The following UMAD1 variants were observed in gnomAD, a reference collection of about 807,000 sequenced individuals.
UMAD1 encodes UBAP1-MVB12-associated (UMA) domain containing 1.
In UMAD1, 8 loss-of-function variants were observed where a neutral mutation model predicts 6.1. That is an observed-to-expected ratio of 1.30 (90% CI 0.76 to 2.35). UMAD1 has a LOEUF of 2.35. Ranked by LOEUF, UMAD1 falls within the 30% of genes most tolerant of loss-of-function variation. The probability of loss-of-function intolerance (pLI) is 0.00; values close to 1 mark genes in which losing one functional copy is unlikely to be tolerated. For synonymous variants in UMAD1, 56 were observed against 31.4 expected (o/e 1.78, Z -2.61); for missense variants, 130 against 78.4 (o/e 1.66, Z -2.49).
At chr7:7,847,691 C>T (rs1052793090) in intron 3 of UMAD1, among the ~76,000 whole-genome samples, 1 of 152,090 alleles carries the variant, frequency 6.6e-6, no homozygotes, top group Admixed American at 6.6e-5. Context: ...AGCATCATGA[C>T]TCTTCCCGAC....
intron 1 of UMAD1, among the ~76,000 whole-genome samples, chr7:7,642,814 A>G (rs1563076031): frequency 6.6e-6 from 1 of 152,308 alleles, no homozygotes; most frequent in East Asian, 1.9e-4. Context: ...TACAGCCATA[A>G]GTAAACACTA....
chr7:7,770,341 A>T (rs1225876404), intron 2 of UMAD1, among the ~76,000 whole-genome samples: 3 of 152,170 alleles, frequency 2.0e-5, no homozygotes, highest in Non-Finnish European at 4.4e-5. Flanking sequence ...ATGCTCTGGG[A>T]CCTTGCTCTG....
At chr7:7,756,365 G>A (rs1269259484) in intron 2 of UMAD1, among the ~76,000 whole-genome samples, 1 of 152,168 alleles carries the variant, frequency 6.6e-6, no homozygotes, top group Non-Finnish European at 1.5e-5. Context: ...TATTTATGAA[G>A]AAAGTGACAG....
intron 2 of UMAD1, among the ~76,000 whole-genome samples, chr7:7,684,825 A>G (rs970323302): frequency 1.3e-5 from 2 of 152,220 alleles, no homozygotes; most frequent in African/African-American, 4.8e-5. Flanking sequence ...TCAAGCAGCC[A>G]TGTTTTAATA....
intron 3 of UMAD1, among the ~76,000 whole-genome samples, chr7:7,847,098 AAAAAAAATATATATAT>A (rs1783807855): frequency 1.1e-4 from 5 of 46,918 alleles, no homozygotes; most frequent in South Asian, 6.5e-4. Context: ...AAAAAAAAAA[AAAAAAAATATATATAT>A]ATATATATAT....
intron 2 of UMAD1, among the ~76,000 whole-genome samples, chr7:7,771,947 T>C (rs1312922877): frequency 6.6e-6 from 1 of 152,128 alleles, no homozygotes; most frequent in Non-Finnish European, 1.5e-5. Flanking sequence ...AGTATAGTGC[T>C]CCATGCTTGT....
intron 1 of UMAD1, among the ~76,000 whole-genome samples, chr7:7,669,677 C>T (rs1779556755): frequency 1.3e-5 from 2 of 152,170 alleles, no homozygotes; most frequent in Admixed American, 1.3e-4. Flanking sequence ...CATGTTCCCA[C>T]AGAACAACAT....
At chr7:7,778,223 G>GTT (rs1220550699) in intron 2 of UMAD1, among the ~76,000 whole-genome samples, 5 of 123,574 alleles carry the variant, frequency 4.0e-5, no homozygotes, top group African/African-American at 6.1e-5. Flanking sequence ...TCCAAAACTG[G>GTT]TTTTGTGTGT....
chr7:7,694,525 C>G (rs927193978), intron 2 of UMAD1, among the ~76,000 whole-genome samples: 1 of 151,936 alleles, frequency 6.6e-6, no homozygotes, highest in African/African-American at 2.4e-5. Context: ...CCATTCCCCA[C>G]CCCACCCCCA....
rs144456157 is a variant in UMAD1 at position 7,869,750 on chromosome 7, A to G, written c.157-7531A>G. ...TGCGTCTGCAAAGTTGGCGCCTCCTAATAGACTTCATGGTGGTTACTGGAA... is the reference window on the plus strand; with the variant it reads ...TGCGTCTGCAAAGTTGGCGCCTCCTGATAGACTTCATGGTGGTTACTGGAA... On this transcript the variant is annotated intron_variant, in intron 3 of 3. Transcript: ENST00000682710. Among the ~76,000 whole-genome samples, 73 of 152,290 alleles carry G rather than the reference A, an allele frequency of 4.8e-4. 3 individuals are homozygous for G. The highest frequency in any genetic ancestry group is 2.1e-3 in the South Asian group (10 of 4,828).
At chr7:7,839,654 A>C (rs191055364) in intron 3 of UMAD1, among the ~76,000 whole-genome samples, 14 of 152,320 alleles carry the variant, frequency 9.2e-5, no homozygotes. Flanking sequence ...GAAAAGTCAT[A>C]ATAAGGAAGA....
intron 2 of UMAD1, among the ~76,000 whole-genome samples, chr7:7,781,659 G>T (rs1374835106): frequency 6.6e-6 from 1 of 151,854 alleles, no homozygotes; most frequent in Admixed American, 6.6e-5. Context: ...TGACTACTGG[G>T]AATGAGATAT....
chr7:7,710,689 C>T (rs1189894327), intron 2 of UMAD1, among the ~76,000 whole-genome samples: 1 of 152,190 alleles, frequency 6.6e-6, no homozygotes, highest in Admixed American at 6.5e-5. Flanking sequence ...AGCAATTACA[C>T]TTTGGGCATT....
intron 2 of UMAD1, among the ~76,000 whole-genome samples, chr7:7,753,911 T>C (rs112045553): frequency 2.0e-5 from 3 of 152,228 alleles, no homozygotes; most frequent in African/African-American, 7.2e-5. Flanking sequence ...GGGCCCGGTG[T>C]GGTGGCTCAT....
chr7:7,848,054 T>C (rs772847742), intron 3 of UMAD1, among the ~76,000 whole-genome samples: 7 of 152,206 alleles, frequency 4.6e-5, no homozygotes, highest in Non-Finnish European at 8.8e-5. Flanking sequence ...TGTTGAAAGA[T>C]ACCTGTAGAA....
chr7:7,745,761 A>T (rs1408026540), intron 2 of UMAD1, among the ~76,000 whole-genome samples: 2 of 152,216 alleles, frequency 1.3e-5, no homozygotes, highest in African/African-American at 4.8e-5. Flanking sequence ...GTAGTCTAGT[A>T]CGATGACAAA....
chr7:7,719,891 T>C (rs986899770), intron 2 of UMAD1, among the ~76,000 whole-genome samples: 2 of 152,236 alleles, frequency 1.3e-5, no homozygotes, highest in African/African-American at 4.8e-5. Context: ...GTTTAAGTGG[T>C]ACACTAACCT....
chr7:7,843,789 A>C (rs1192513466), intron 3 of UMAD1, among the ~76,000 whole-genome samples: 2 of 152,166 alleles, frequency 1.3e-5, no homozygotes, highest in Non-Finnish European at 2.9e-5. Flanking sequence ...TACTTCCAGA[A>C]TTTACCAAAC....
At chr7:7,652,252 C>T (rs577297660) in intron 1 of UMAD1, among the ~76,000 whole-genome samples, 4 of 152,108 alleles carry the variant, frequency 2.6e-5, no homozygotes, top group African/African-American at 9.7e-5. Flanking sequence ...ATAGGATTTC[C>T]GAGTAAAGCA....
Sources: gnomAD v4.1 joint callset for allele counts (sites outside exome capture counted in the v4.1 genomes callset) on GRCh38, gnomAD v4.1.1 for gene constraint, MANE v1.5 for transcripts, NCBI Gene and HGNC (gene_info 2026-07-23, HGNC 2026-07-21) for gene names.